The following NSUN2 variants were observed in gnomAD, a reference collection of about 807,000 sequenced individuals.
NSUN2 encodes the protein NOP2/Sun RNA methyltransferase 2, also known as RNA cytosine C(5)-methyltransferase NSUN2.
A neutral mutation model predicts 92.7 loss-of-function variants in NSUN2; 63 were observed. That is an observed-to-expected ratio of 0.68 (90% confidence interval 0.56 to 0.84). The LOEUF is 0.84. NSUN2 is among the 40% of genes least tolerant of loss of function. The pLI is 0.00. For synonymous variants in NSUN2, 356 were observed against 348.3 expected (o/e 1.02, Z -0.25); for missense variants, 989 against 964.9 (o/e 1.02, Z -0.33).
At chr5:6,610,667 GAGT>G (rs1736948673) in intron 11 of NSUN2, among the ~76,000 whole-genome samples, 1 of 143,420 alleles carries the variant, frequency 7.0e-6, no homozygotes, top group Non-Finnish European at 1.5e-5. Flanking sequence ...CTGGATGACA[GAGT>G]GAGACTCTCT....
At position 6,625,673 on chromosome 5, in the gene NSUN2, A is replaced by C. The variant is rs751584873; in HGVS notation, c.360-4T>G. On this transcript the variant is annotated splice_polypyrimidine_tract_variant and splice_region_variant and intron_variant, in intron 3 of 18. Coordinates refer to ENST00000264670, the MANE Select transcript of NSUN2 (RefSeq NM_017755.6). ...CCAGGCAAGTTCTTCAGGATACCTG[A>C]CCAAAAAGAAAGCAAAACATTTATG... 5.6e-6 allele frequency: 9 copies of C among 1,607,944 alleles called. No homozygotes were observed. The highest frequency in any genetic ancestry group is 3.3e-5 in the Admixed American group (2 of 59,956).
chr5:6,603,229 G>C (rs1222987409), intron 17 of NSUN2, among the ~76,000 whole-genome samples: 1 of 152,230 alleles, frequency 6.6e-6, no homozygotes, highest in Non-Finnish European at 1.5e-5. Context: ...CGTCACTGGA[G>C]TGATCTGAAG....
Position 6,618,028 on chromosome 5 carries a change from GA to G in NSUN2, c.816-5del. On this transcript the variant is annotated splice_polypyrimidine_tract_variant and splice_region_variant and intron_variant, in intron 7 of 18. Coordinates refer to ENST00000264670, the MANE Select transcript of NSUN2 (RefSeq NM_017755.6). ...TTTTCTCATAGTGCCGTCTCCACTGGAAAAAAGATATTTATGAGTGCAAAGC... is the reference window on the plus strand; with the variant it reads ...TTTTCTCATAGTGCCGTCTCCACTGGAAAAAGATATTTATGAGTGCAAAGC... 6.2e-7 allele frequency: 1 copy of G among 1,611,142 alleles called. No homozygotes were observed. Among genetic ancestry groups the G allele is most frequent in the Non-Finnish European group, 8.5e-7 (1 of 1,177,736 alleles).
At position 6,604,174 on chromosome 5, in the gene NSUN2, G is replaced by A. The variant is rs1365522781; in HGVS notation, c.1921C>T (p.Leu641Phe). Residue 641 changes from leucine to phenylalanine, a missense_variant, in exon 17 of 19, where the codon CTC becomes TTC. Transcript: ENST00000264670. ...LTQENPFFRKLSSETYSQAKD... is the reference protein window; with the variant it reads ...LTQENPFFRKFSSETYSQAKD... ...GCTTGACTGTAGGTCTCACTGCTGA[G>A]TTTTCTAAAAAAGGGATTTTCCTGG... 5 of 1,613,884 alleles carry A rather than the reference G, an allele frequency of 3.1e-6. No homozygotes were observed. The highest frequency in any genetic ancestry group is 4.2e-6 in the Non-Finnish European group (5 of 1,179,962).
At chr5:6,606,357 C>T (rs969205631) in intron 14 of NSUN2, among the ~76,000 whole-genome samples, 1 of 152,192 alleles carries the variant, frequency 6.6e-6, no homozygotes, top group African/African-American at 2.4e-5. Context: ...GATCTCGGCT[C>T]ACTGCAAGCT....
intron 9 of NSUN2, among the ~76,000 whole-genome samples, chr5:6,615,277 C>G (rs1349019592): frequency 6.6e-6 from 1 of 152,178 alleles, no homozygotes; most frequent in African/African-American, 2.4e-5. Context: ...GATCTGAAAG[C>G]AGACTGTGGC....
intron 18 of NSUN2, 96 bp downstream of exon 18, chr5:6,602,365 G>A (rs1267720048): frequency 7.9e-7 from 1 of 1,258,482 alleles, no homozygotes; most frequent in Non-Finnish European, 1.2e-6. Flanking sequence ...GCCTGAAGAA[G>A]GTTCCCACCT....
At position 6,600,114 on chromosome 5, in the gene NSUN2, C is replaced by T. The variant is rs749845831; in HGVS notation, c.2116G>A (p.Val706Ile). ...LHYLRMMGLE[V>I]LGEKKKEGVI... The stretch of plus-strand genomic sequence containing the variant: ...CCTTCCTTCTTCTTTTCTCCCAATA[C>T]CTCCAGCCCCATCATCCTGAGATAA... Residue 706 changes from valine (V) to isoleucine (I), a missense_variant, in exon 19 of 19, where the codon GTA (valine) becomes ATA (isoleucine). Physicochemically the swap from Val to Ile is conservative, Grantham distance 29 (BLOSUM62 3). Coordinates refer to ENST00000264670, the MANE Select transcript of NSUN2 (RefSeq NM_017755.6). 9 of 1,614,086 alleles carry T rather than the reference C, an allele frequency of 5.6e-6. No homozygotes were observed. Among genetic ancestry groups the T allele is most frequent in the Middle Eastern group, 1.6e-4 (1 of 6,084 alleles).
At position 6,607,249 on chromosome 5, in the gene NSUN2, C is replaced by G; in HGVS notation, c.1459G>C (p.Ala487Pro). 1 of 1,614,206 alleles carries G rather than the reference C, an allele frequency of 6.2e-7. No individual in the cohort carries two copies. Reference sequence around the variant, plus strand: ...CCATTATTCTCTAAATCCTCAGTTGCATGAGCTATTTCTGTGTCACCAGTT... The same window carrying G: ...CCATTATTCTCTAAATCCTCAGTTGGATGAGCTATTTCTGTGTCACCAGTT... ...TGTGDTEIAH[A>P]TEDLENNGSK... Residue 487 changes from alanine to proline, a missense_variant, in exon 13 of 19, where the codon GCA becomes CCA. Physicochemically the swap from Ala to Pro is conservative, Grantham distance 27 (BLOSUM62 -1). Coordinates refer to ENST00000264670, the MANE Select transcript of NSUN2 (RefSeq NM_017755.6).
At chr5:6,632,067 A>T in intron 2 of NSUN2, 90 bp from the exon 3 acceptor site, 1 of 967,672 alleles carries the variant, frequency 1.0e-6, no homozygotes, top group Middle Eastern at 2.2e-4. Context: ...AGTGTTTTAA[A>T]ACTAAAACCA....
chr5:6,604,578 G>C lies in NSUN2; in HGVS notation c.1818+27C>G, dbSNP rs772512362. 1.9e-6 allele frequency: 3 copies of C among 1,595,198 alleles called. No homozygotes were observed. In the African/African-American group the frequency reaches 4.0e-5, roughly 21 times the overall value. On this transcript the variant is annotated intron_variant, in intron 16 of 18. Transcript: ENST00000264670. ...ACTGCTTCAGTCATCTGTGGCTACT[G>C]CTGTTCAAATCCACTTCCAAAATTA...
At chr5:6,609,646 A>G (rs1176544548) in intron 12 of NSUN2, among the ~76,000 whole-genome samples, 180 bp downstream of exon 12, 3 of 152,156 alleles carry the variant, frequency 2.0e-5, no homozygotes, top group Non-Finnish European at 4.4e-5. Flanking sequence ...CCTATGAGAA[A>G]TTTCTGCTTT....
In NSUN2 at chr5:6,617,935, TGAA is replaced by T; in HGVS notation, c.890+12_890+14del. The T allele has an allele frequency of 6.3e-7, 1 of 1,599,700 alleles. No individual in the cohort carries two copies. The highest frequency in any genetic ancestry group is 1.1e-5 in the South Asian group (1 of 90,738). ...ACTTGTCACACAGTGTTAGCAGTGA[TGAA>T]GTTTTACTTACCCATGTAGCTGCAA... is the stretch of plus-strand genomic sequence containing the variant. On this transcript the variant is annotated intron_variant, in intron 8 of 18. Coordinates refer to ENST00000264670, the MANE Select transcript of NSUN2 (RefSeq NM_017755.6).
intron 4 of NSUN2, 123 bp from the exon 5 acceptor site, chr5:6,623,408 G>A (rs1737540151): frequency 2.7e-6 from 2 of 737,802 alleles, no homozygotes; most frequent in East Asian, 5.4e-5. Context: ...CAGAATGAGA[G>A]AACTCATACT....
At chr5:6,604,019 A>G in intron 17 of NSUN2, 119 bp downstream of exon 17, 1 of 879,388 alleles carries the variant, frequency 1.1e-6, no homozygotes, top group Non-Finnish European at 1.8e-6. Context: ...AAATTGATGT[A>G]GCCATAAATA....
At chr5:6,604,032 C>CTT in intron 17 of NSUN2, 106 bp downstream of exon 17, 1 of 1,027,390 alleles carries the variant, frequency 9.7e-7, no homozygotes, top group Non-Finnish European at 1.4e-6. Context: ...CATAAATAAA[C>CTT]TGAAAACTAT....
At chr5:6,605,240 T>C (rs933384313) in intron 15 of NSUN2, 33 bp downstream of exon 15, 5 of 1,610,824 alleles carry the variant, frequency 3.1e-6, no homozygotes, top group Non-Finnish European at 4.2e-6. Flanking sequence ...GCATCCCGCA[T>C]CACACAGCAC....
In NSUN2 at chr5:6,609,001, C is replaced by A. The variant is rs147760175; in HGVS notation, c.1323+825G>T. 9.5e-3 allele frequency among the ~76,000 whole-genome samples: 1,449 copies of A among 152,314 alleles called. 23 individuals are homozygous for A. The highest frequency in any genetic ancestry group is 0.033 in the African/African-American group (1,365 of 41,560). The stretch of plus-strand genomic sequence containing the variant: ...CTGGTGGCGGCAGAAGTGCAGTCGC[C>A]CCCTTTGCCCGTCTGAGGCTGTACG... On this transcript the variant is annotated intron_variant, in intron 12 of 18. Coordinates refer to ENST00000264670, the MANE Select transcript of NSUN2 (RefSeq NM_017755.6).
At chr5:6,602,355 G>A in intron 18 of NSUN2, 106 bp downstream of exon 18, 1 of 1,081,066 alleles carries the variant, frequency 9.3e-7, no homozygotes, top group African/African-American at 1.6e-5. Context: ...ATCACAAAAG[G>A]CCTGAAGAAG....
Sources: allele counts gnomAD v4.1 joint callset (sites outside exome capture counted in the v4.1 genomes callset), GRCh38; gene constraint gnomAD v4.1.1; transcripts MANE v1.5; gene names NCBI Gene and HGNC (gene_info 2026-07-23, HGNC 2026-07-21).